The following KCNQ3 variants were observed in gnomAD, a reference collection of about 807,000 sequenced individuals.
The protein encoded by KCNQ3 is potassium voltage-gated channel subfamily KQT member 3.
KCNQ3 carries 30 observed loss-of-function variants against 92.5 expected under a neutral mutation model. The observed-to-expected ratio is 0.32, with a 90% CI of 0.24 to 0.44. The LOEUF is 0.44. Among genes scored for constraint, KCNQ3 ranks in the 20% least tolerant of loss-of-function variants. KCNQ3 has a pLI of 1.00. For synonymous variants in KCNQ3, 450 were observed against 468.8 expected, an observed-to-expected ratio of 0.96 and a Z score of 0.52; for missense variants, 913 against 1,140.3, an observed-to-expected ratio of 0.80 and a Z score of 2.87.
chr8:132,187,909 G>T (rs1216109361), intron 1 of KCNQ3, among the ~76,000 whole-genome samples: 1 of 145,024 alleles, frequency 6.9e-6, no homozygotes, highest in Non-Finnish European at 1.5e-5. Flanking sequence ...GGTGATGGTG[G>T]TGGTGGTGTT....
At chr8:132,453,575 G>A (rs1367039472) in intron 1 of KCNQ3, among the ~76,000 whole-genome samples, 3 of 152,168 alleles carry the variant, frequency 2.0e-5, no homozygotes, top group African/African-American at 7.2e-5. Context: ...GTGTCCCTGA[G>A]TGCAGGCTCA....
intron 1 of KCNQ3, 125 bp from the exon 2 acceptor site, chr8:132,186,306 T>C: frequency 1.4e-6 from 1 of 711,104 alleles, no homozygotes; most frequent in Non-Finnish European, 2.6e-6. Flanking sequence ...ATGTGCTTTA[T>C]ATGCTATCCC....
intron 1 of KCNQ3, among the ~76,000 whole-genome samples, chr8:132,244,813 T>C (rs1216162152): frequency 6.6e-6 from 1 of 150,966 alleles, no homozygotes; most frequent in Non-Finnish European, 1.5e-5. Context: ...TGTCATCCCA[T>C]AATTATTTAC....
chr8:132,372,190 A>G (rs1415871640), intron 1 of KCNQ3, among the ~76,000 whole-genome samples: 1 of 151,594 alleles, frequency 6.6e-6, no homozygotes, highest in African/African-American at 2.4e-5. Context: ...TCATGATTCT[A>G]TTTCTTAGTG....
chr8:132,147,038 AAAG>A (rs1825471726), intron 9 of KCNQ3, among the ~76,000 whole-genome samples: 1 of 152,240 alleles, frequency 6.6e-6, no homozygotes, highest in Non-Finnish European at 1.5e-5. Flanking sequence ...AAAAATTTAA[AAAG>A]AACACAATGG....
At chr8:132,477,303 G>A (rs1026976825) in intron 1 of KCNQ3, among the ~76,000 whole-genome samples, 25 of 149,836 alleles carry the variant, frequency 1.7e-4, no homozygotes, top group Non-Finnish European at 3.0e-4. Context: ...CTACCTTTAG[G>A]AAGGAGAAAA....
At chr8:132,235,267 G>A (rs1311205715) in intron 1 of KCNQ3, among the ~76,000 whole-genome samples, 1 of 142,234 alleles carries the variant, frequency 7.0e-6, no homozygotes, top group African/African-American at 2.7e-5. Flanking sequence ...GGGAGGCCAA[G>A]GGTGGGGGGG....
At chr8:132,164,171 T>C (rs1826072681) in intron 8 of KCNQ3, among the ~76,000 whole-genome samples, 1 of 152,034 alleles carries the variant, frequency 6.6e-6, no homozygotes, top group Non-Finnish European at 1.5e-5. Context: ...CCCTTCCTCT[T>C]TTCCCTGCTT....
chr8:132,401,439 G>C (rs1247772046), intron 1 of KCNQ3, among the ~76,000 whole-genome samples: 2 of 151,476 alleles, frequency 1.3e-5, no homozygotes, highest in Non-Finnish European at 1.5e-5. Flanking sequence ...GCAGTGGCAC[G>C]ATCTTGGCTC....
At chr8:132,399,623 G>A (rs1325749543) in intron 1 of KCNQ3, among the ~76,000 whole-genome samples, 2 of 152,160 alleles carry the variant, frequency 1.3e-5, no homozygotes. Context: ...AGAACTTAAT[G>A]GACACCTCCC....
chr8:132,224,657 T>C (rs1289853489), intron 1 of KCNQ3, among the ~76,000 whole-genome samples: 2 of 152,196 alleles, frequency 1.3e-5, no homozygotes, highest in African/African-American at 4.8e-5. Context: ...TTATGGCTCA[T>C]TAAGTTAAAG....
chr8:132,299,123 C>G (rs556213049), intron 1 of KCNQ3, among the ~76,000 whole-genome samples: 123 of 146,874 alleles, frequency 8.4e-4, no homozygotes, highest in African/African-American at 3.0e-3. Context: ...TAAGTAAATG[C>G]ATTTTTAAAA....
intron 1 of KCNQ3, among the ~76,000 whole-genome samples, chr8:132,373,006 T>C (rs1819515874): frequency 6.6e-6 from 1 of 152,000 alleles, no homozygotes; most frequent in South Asian, 2.1e-4. Flanking sequence ...CCAGAGATAA[T>C]AGAATCTCAC....
At chr8:132,229,349 C>T (rs985310949) in intron 1 of KCNQ3, among the ~76,000 whole-genome samples, 9 of 151,874 alleles carry the variant, frequency 5.9e-5, no homozygotes, top group Non-Finnish European at 1.3e-4. Context: ...ATGTTGATGA[C>T]TCAACCAAGC....
At chr8:132,163,216 T>A (rs981840424) in intron 9 of KCNQ3, among the ~76,000 whole-genome samples, 1 of 152,142 alleles carries the variant, frequency 6.6e-6, no homozygotes, top group Non-Finnish European at 1.5e-5. Flanking sequence ...CCAAATGAGA[T>A]AACATATGCA....
chr8:132,480,475 C>T lies in KCNQ3; in HGVS notation c.58G>A (p.Gly20Ser). The change falls in exon 1 of 15, where the codon GGC (glycine) becomes AGC (serine). Residue 20 changes from glycine (G) to serine (S), a missense_variant. Physicochemically the swap from Gly to Ser is moderately conservative, Grantham distance 56. Coordinates refer to ENST00000388996, the MANE Select transcript of KCNQ3 (RefSeq NM_004519.4). ...GGGTTAGCCGCCCCGCCGCCTCCGC[C>T]GCCCCCGTCGCCGCCGCCGCCAGCC... The part of the protein sequence containing the change: ...GAAGGGGDGG[G>S]GGGGAANPAG... 1.6e-6 allele frequency: 2 copies of T among 1,224,798 alleles called. No homozygotes were observed. Among genetic ancestry groups the T allele is most frequent in the Non-Finnish European group, 2.0e-6 (2 of 987,794 alleles). The allele number at this position is 1,224,798 out of a possible 1,614,324, so 75.9% of individuals were successfully genotyped here.
chr8:132,381,767 C>A (rs1334959863), intron 1 of KCNQ3, among the ~76,000 whole-genome samples: 1 of 152,244 alleles, frequency 6.6e-6, no homozygotes, highest in Non-Finnish European at 1.5e-5. Flanking sequence ...CAAAGCCCAG[C>A]AGCTCAAATG....
chr8:132,468,772 C>A (rs911894552), intron 1 of KCNQ3, among the ~76,000 whole-genome samples: 1 of 152,162 alleles, frequency 6.6e-6, no homozygotes, highest in Non-Finnish European at 1.5e-5. Context: ...GTTCCCAGCC[C>A]TGAGGTCTGA....
intron 1 of KCNQ3, among the ~76,000 whole-genome samples, chr8:132,292,326 T>C (rs943041503): frequency 3.3e-5 from 5 of 152,178 alleles, no homozygotes; most frequent in Non-Finnish European, 5.9e-5. Context: ...GCACCACCTA[T>C]GTAATTCTCA....
Sources: allele counts gnomAD v4.1 joint callset (sites outside exome capture counted in the v4.1 genomes callset), GRCh38; gene constraint gnomAD v4.1.1; transcripts MANE v1.5; gene names NCBI Gene and HGNC (gene_info 2026-07-23, HGNC 2026-07-21).